DGKB: variants seen among roughly 807,000 people sequenced by gnomAD.
DGKB encodes 90 kDa diacylglycerol kinase.
DGKB carries 67 observed loss-of-function variants against 114.3 expected under a neutral mutation model. That is an observed-to-expected ratio of 0.59 (90% CI 0.48 to 0.72). DGKB has a LOEUF of 0.72. Ranked by LOEUF, DGKB falls within the 30% of genes least tolerant of loss-of-function variation. DGKB has a pLI of 0.00. For synonymous variants in DGKB, 398 were observed against 323.1 expected (o/e 1.23, Z -2.49); for missense variants, 907 against 975.2 (o/e 0.93, Z 0.93).
At chr7:14,653,824 C>T (rs943963697) in intron 13 of DGKB, among the ~76,000 whole-genome samples, 1 of 152,002 alleles carries the variant, frequency 6.6e-6, no homozygotes, top group Non-Finnish European at 1.5e-5. Context: ...CATAAATCTT[C>T]ATCCTAAAAT....
At chr7:14,328,162 T>G (rs1171226968) in intron 23 of DGKB, among the ~76,000 whole-genome samples, 1 of 152,120 alleles carries the variant, frequency 6.6e-6, no homozygotes, top group Non-Finnish European at 1.5e-5. Flanking sequence ...ATCATAGACT[T>G]AGTAAGAAAA....
chr7:14,178,212 C>T, intron 23 of DGKB, 61 bp from the exon 24 acceptor site: 7 of 1,549,456 alleles, frequency 4.5e-6, no homozygotes, highest in Non-Finnish European at 6.1e-6. Context: ...CAATTTAATG[C>T]CATTTGATAT....
intron 20 of DGKB, among the ~76,000 whole-genome samples, chr7:14,561,534 G>A (rs966376740): frequency 6.6e-6 from 1 of 152,074 alleles, no homozygotes; most frequent in African/African-American, 2.4e-5. Context: ...TGCAAAGTTT[G>A]GAACTTCCTA....
At chr7:14,177,571 A>G (rs1476527267) in intron 24 of DGKB, among the ~76,000 whole-genome samples, 2 of 150,834 alleles carry the variant, frequency 1.3e-5, no homozygotes, top group East Asian at 3.9e-4. Context: ...AAAAAAAAAA[A>G]AAAAAAAAAT....
At chr7:14,839,596 C>G (rs1232111588) in intron 2 of DGKB, among the ~76,000 whole-genome samples, 1 of 151,498 alleles carries the variant, frequency 6.6e-6, no homozygotes, top group Admixed American at 6.6e-5. Context: ...GAGACAGGGT[C>G]TCACTGTTTT....
chr7:14,829,312 G>A (rs1353442966), intron 2 of DGKB, among the ~76,000 whole-genome samples: 5 of 152,098 alleles, frequency 3.3e-5, no homozygotes, highest in Admixed American at 3.3e-4. Context: ...AAATGCCTTT[G>A]TGCCTACTTG....
intron 23 of DGKB, among the ~76,000 whole-genome samples, chr7:14,290,963 G>A (rs545262663): frequency 1.4e-3 from 213 of 151,762 alleles, no homozygotes; most frequent in Non-Finnish European, 2.5e-3. Context: ...CCAACCTGGT[G>A]AAACCCCATC....
At chr7:14,168,381 G>A (rs569964322) in intron 25 of DGKB, among the ~76,000 whole-genome samples, 4 of 152,272 alleles carry the variant, frequency 2.6e-5, no homozygotes, top group East Asian at 1.9e-4. Context: ...AGTGTGTGGC[G>A]TAGAAGTCAA....
chr7:14,420,577 C>G (rs1241342279), intron 21 of DGKB, among the ~76,000 whole-genome samples: 1 of 151,986 alleles, frequency 6.6e-6, no homozygotes, highest in Admixed American at 6.6e-5. Context: ...TCAGAGTAGA[C>G]TTAAAAGTGA....
At chr7:14,470,037 A>C (rs2128885190) in intron 21 of DGKB, among the ~76,000 whole-genome samples, 1 of 151,972 alleles carries the variant, frequency 6.6e-6, no homozygotes, top group Middle Eastern at 3.4e-3. Flanking sequence ...TACACACACA[A>C]ATTTCAAAAA....
chr7:14,691,595 A>G (rs994433049), intron 9 of DGKB, among the ~76,000 whole-genome samples: 18 of 152,226 alleles, frequency 1.2e-4, no homozygotes, highest in African/African-American at 2.4e-4. Context: ...GCTCTTTCTA[A>G]CAAATAGATG....
At chr7:14,672,286 T>C (rs1222700960) in intron 13 of DGKB, among the ~76,000 whole-genome samples, 2 of 152,156 alleles carry the variant, frequency 1.3e-5, no homozygotes, top group Non-Finnish European at 2.9e-5. Context: ...AAAATAACTT[T>C]AATTTTCAAA....
In DGKB at chr7:14,897,650, A is replaced by T. The variant is rs544824856; in HGVS notation, c.-188+4942T>A. On this transcript the variant is annotated intron_variant, in intron 1 of 25. Transcript: ENST00000402815. ...TTTTAATTTTGTGATATGGAAATAA[A>T]TATTTTATCCATCATATTCCAAAAT... Among the ~76,000 whole-genome samples the T allele has an allele frequency of 2.0e-5, 3 of 152,078 alleles. No homozygotes were observed. In the East Asian group the frequency reaches 5.8e-4, roughly 29 times the overall value.
intron 25 of DGKB, among the ~76,000 whole-genome samples, chr7:14,157,323 G>A (rs1356425839): frequency 6.7e-6 from 1 of 150,294 alleles, no homozygotes; most frequent in East Asian, 1.9e-4. Flanking sequence ...GTCCATAACT[G>A]CCAAAAAAGC....
chr7:14,447,410 G>T (rs899761287), intron 21 of DGKB, among the ~76,000 whole-genome samples: 18 of 152,046 alleles, frequency 1.2e-4, no homozygotes, highest in African/African-American at 3.4e-4. Flanking sequence ...AGCAACAATA[G>T]CTTCCACATG....
At chr7:14,813,875 TTG>T (rs1332582016) in intron 2 of DGKB, among the ~76,000 whole-genome samples, 18 of 152,198 alleles carry the variant, frequency 1.2e-4, no homozygotes, top group Non-Finnish European at 2.9e-5. Flanking sequence ...AATTATTTGC[TTG>T]TGTTTTTATA....
intron 21 of DGKB, among the ~76,000 whole-genome samples, chr7:14,420,057 C>A (rs1205246164): frequency 6.6e-6 from 1 of 151,898 alleles, no homozygotes; most frequent in Non-Finnish European, 1.5e-5. Context: ...GAACAAACAT[C>A]AATATTATTG....
intron 2 of DGKB, among the ~76,000 whole-genome samples, chr7:14,803,944 G>C (rs1842487182): frequency 1.3e-5 from 2 of 151,904 alleles, no homozygotes; most frequent in Non-Finnish European, 2.9e-5. Context: ...AGTTTCTGTG[G>C]AATCATTATC....
At chr7:14,161,353 C>G (rs1281676129) in intron 25 of DGKB, among the ~76,000 whole-genome samples, 1 of 152,160 alleles carries the variant, frequency 6.6e-6, no homozygotes, top group Admixed American at 6.6e-5. Context: ...ACTATAAAGA[C>G]AGATGCACCT....
Sources: allele counts gnomAD v4.1 joint callset (sites outside exome capture counted in the v4.1 genomes callset), GRCh38; gene constraint gnomAD v4.1.1; transcripts MANE v1.5; gene names NCBI Gene and HGNC (gene_info 2026-07-23, HGNC 2026-07-21).